CNTN1: variants seen among roughly 807,000 people sequenced by gnomAD.
The protein encoded by CNTN1 is contactin 1.
CNTN1 carries 38 observed loss-of-function variants against 126.4 expected under a neutral mutation model. The ratio of observed to expected loss-of-function variants is 0.30; its 90% CI spans 0.23 to 0.39. The LOEUF is 0.39. CNTN1 is among the 10% of genes least tolerant of loss of function. CNTN1 has a pLI of 1.00. For missense variants in CNTN1, 1,009 were observed against 1,248.4 expected (o/e 0.81, Z 2.89); for synonymous variants, 413 against 422.6 (o/e 0.98, Z 0.28).
In CNTN1 at chr12:40,824,107, A is replaced by T. The variant is rs1018870031; in HGVS notation, c.-76-84250A>T. On this transcript the variant is annotated intron_variant, in intron 1 of 23. Coordinates refer to ENST00000551295, the MANE Select transcript of CNTN1 (RefSeq NM_001843.4). ...CTTGGTGAAATCTTGAAATATTTAT[A>T]TTTCTGCAGAATAGCATCAAACATC... Among the ~76,000 whole-genome samples, 3 of 152,112 alleles carry T rather than the reference A, an allele frequency of 2.0e-5. No homozygotes were observed. The South Asian group carries it at 6.2e-4, about 31-fold the overall frequency.
At chr12:40,718,772 G>A (rs1942114968) in intron 1 of CNTN1, among the ~76,000 whole-genome samples, 1 of 152,138 alleles carries the variant, frequency 6.6e-6, no homozygotes. Flanking sequence ...ATAGGGCTGG[G>A]ATTCTGAGTC....
intron 1 of CNTN1, among the ~76,000 whole-genome samples, chr12:40,858,316 C>G (rs1408484099): frequency 6.6e-6 from 1 of 152,136 alleles, no homozygotes; most frequent in Non-Finnish European, 1.5e-5. Context: ...CCAGCCCATT[C>G]AGAATAATTT....
intron 1 of CNTN1, among the ~76,000 whole-genome samples, chr12:40,831,844 A>G (rs1941851753): frequency 6.6e-6 from 1 of 152,192 alleles, no homozygotes; most frequent in Non-Finnish European, 1.5e-5. Context: ...GGAACAAACA[A>G]GTCAAATGCA....
chr12:40,864,019 C>CTTT (rs71434336), intron 1 of CNTN1, among the ~76,000 whole-genome samples: 3,031 of 92,546 alleles, frequency 0.033, 83 homozygotes, highest in Middle Eastern at 0.11. Flanking sequence ...CTCTGCTTTC[C>CTTT]TTTTTTTTTT....
At chr12:40,811,086 A>G (rs931026505) in intron 1 of CNTN1, among the ~76,000 whole-genome samples, 1 of 152,218 alleles carries the variant, frequency 6.6e-6, no homozygotes, top group Admixed American at 6.5e-5. Flanking sequence ...ATCAATGGAC[A>G]CTTAGGTTGT....
At chr12:41,027,707 C>T in intron 21 of CNTN1, 150 bp from the exon 22 acceptor site, 1 of 688,302 alleles carries the variant, frequency 1.5e-6, no homozygotes, top group Admixed American at 2.0e-5. Context: ...ATGTAAAGTG[C>T]TTAGCATAGT....
At chr12:40,765,510 G>T (rs1215487594) in intron 1 of CNTN1, among the ~76,000 whole-genome samples, 3 of 152,142 alleles carry the variant, frequency 2.0e-5, no homozygotes, top group Non-Finnish European at 2.9e-5. Context: ...AACAAGCAAA[G>T]GAGAACAAGA....
chr12:40,849,818 ACT>A (rs1262444636), intron 1 of CNTN1, among the ~76,000 whole-genome samples: 1 of 151,762 alleles, frequency 6.6e-6, no homozygotes, highest in Non-Finnish European at 1.5e-5. Context: ...TAAGGAAAAG[ACT>A]CTTTTTTTAA....
chr12:41,021,848 C>A (rs1444476320), intron 20 of CNTN1, among the ~76,000 whole-genome samples: 1 of 151,986 alleles, frequency 6.6e-6, no homozygotes, highest in Admixed American at 6.6e-5. Flanking sequence ...CTAGATGTTA[C>A]AAACCCCTGT....
At chr12:40,728,566 A>G (rs1264248402) in intron 1 of CNTN1, among the ~76,000 whole-genome samples, 1 of 152,210 alleles carries the variant, frequency 6.6e-6, no homozygotes, top group African/African-American at 2.4e-5. Flanking sequence ...TCCACATTCT[A>G]TAGGAAAGGA....
intron 23 of CNTN1, among the ~76,000 whole-genome samples, chr12:41,062,856 G>T (rs1949965359): frequency 6.6e-6 from 1 of 152,046 alleles, no homozygotes; most frequent in Admixed American, 6.5e-5. Flanking sequence ...ATACCTAACT[G>T]ATTTCCTCAC....
At chr12:40,819,933 C>T (rs1226488155) in intron 1 of CNTN1, among the ~76,000 whole-genome samples, 1 of 152,182 alleles carries the variant, frequency 6.6e-6, no homozygotes, top group Non-Finnish European at 1.5e-5. Context: ...TTGTGTCGTT[C>T]TCAGGTTGGC....
chr12:40,994,328 T>C (rs1274159034), intron 17 of CNTN1, among the ~76,000 whole-genome samples: 1 of 152,044 alleles, frequency 6.6e-6, no homozygotes, highest in African/African-American at 2.4e-5. Context: ...TCACAGAAAA[T>C]TAATTAAACT....
chr12:41,000,854 G>T (rs1948342441), intron 17 of CNTN1, among the ~76,000 whole-genome samples: 1 of 152,146 alleles, frequency 6.6e-6, no homozygotes, highest in Admixed American at 6.5e-5. Flanking sequence ...TCATCATTTA[G>T]CCTCCACTTA....
chr12:40,905,664 AT>A lies in CNTN1; in HGVS notation c.-76-2688del, dbSNP rs1287345026. 4.6e-5 allele frequency among the ~76,000 whole-genome samples: 7 copies of A among 152,130 alleles called. 1 individual carries two copies. Among genetic ancestry groups the A allele is most frequent in the Admixed American group, 4.6e-4 (7 of 15,274 alleles). Reference sequence around the variant, plus strand: ...AAATAATAATATGTCATCTAAGTTAATTTTTACAAAGTCAATTGCTTGATTG... The same window carrying A: ...AAATAATAATATGTCATCTAAGTTAATTTTACAAAGTCAATTGCTTGATTG... On this transcript the variant is annotated intron_variant, in intron 1 of 23. Transcript: ENST00000551295.
intron 17 of CNTN1, among the ~76,000 whole-genome samples, chr12:40,995,192 T>C (rs1305323384): frequency 6.6e-6 from 1 of 152,142 alleles, no homozygotes; most frequent in East Asian, 1.9e-4. Flanking sequence ...AGTTTACTTA[T>C]AGCAGTCCCT....
chr12:40,803,974 A>C (rs1371658507), intron 1 of CNTN1, among the ~76,000 whole-genome samples: 1 of 152,016 alleles, frequency 6.6e-6, no homozygotes, highest in Admixed American at 6.6e-5. Context: ...TTACCTACCA[A>C]GGGTTACTGC....
At chr12:40,751,859 A>G (rs979739878) in intron 1 of CNTN1, among the ~76,000 whole-genome samples, 2 of 152,092 alleles carry the variant, frequency 1.3e-5, no homozygotes, top group Non-Finnish European at 2.9e-5. Flanking sequence ...GTCTCTAAAG[A>G]GCCTCATAAA....
intron 1 of CNTN1, among the ~76,000 whole-genome samples, chr12:40,865,544 C>A (rs895869869): frequency 6.6e-6 from 1 of 151,982 alleles, no homozygotes; most frequent in Non-Finnish European, 1.5e-5. Flanking sequence ...GGGGTCCAAA[C>A]TTATTTTTTT....
Sources: allele counts gnomAD v4.1 joint callset (sites outside exome capture counted in the v4.1 genomes callset), GRCh38; gene constraint gnomAD v4.1.1; transcripts MANE v1.5; gene names NCBI Gene and HGNC (gene_info 2026-07-23, HGNC 2026-07-21).